FBXO11: variants seen among roughly 807,000 people sequenced by gnomAD.
FBXO11 encodes the protein F-box only protein 11.
A neutral mutation model predicts 117.0 loss-of-function variants in FBXO11; 13 were observed. The ratio of observed to expected loss-of-function variants is 0.11; its 90% confidence interval spans 0.07 to 0.18. FBXO11 has a LOEUF of 0.18. Ranked by LOEUF, FBXO11 falls within the 10% of genes least tolerant of loss-of-function variation. The pLI, the probability that FBXO11 is intolerant of heterozygous loss-of-function variation, is 1.00. For missense variants in FBXO11, 767 were observed against 1,164.4 expected (o/e 0.66, Z 4.97); for synonymous variants, 490 against 380.5 (o/e 1.29, Z -3.35).
At chr2:47,890,736 A>T (rs116797362) in intron 1 of FBXO11, among the ~76,000 whole-genome samples, 8,353 of 152,140 alleles carry the variant, frequency 0.055, 245 homozygotes, top group Non-Finnish European at 0.069. Context: ...CTCGGGAGGC[A>T]GAGGTTGCAG....
chr2:47,818,196 A>T (rs890177985), intron 16 of FBXO11, among the ~76,000 whole-genome samples: 1 of 152,244 alleles, frequency 6.6e-6, no homozygotes, highest in African/African-American at 2.4e-5. Context: ...AGAGACAGGA[A>T]GTGAGCACAT....
At chr2:47,904,566 ACGCG>A (rs1255813395) in intron 1 of FBXO11, among the ~76,000 whole-genome samples, 11 of 144,846 alleles carry the variant, frequency 7.6e-5, no homozygotes, top group African/African-American at 1.8e-4. Context: ...CAACACACAC[ACGCG>A]CGCGCGCGCA....
intron 11 of FBXO11, among the ~76,000 whole-genome samples, chr2:47,830,206 G>C (rs964313134): frequency 2.6e-5 from 4 of 151,882 alleles, no homozygotes; most frequent in Admixed American, 2.6e-4. Context: ...AAGCAAAGAA[G>C]AAAGAAAAAA....
At chr2:47,829,205 T>C (rs1486993704) in intron 11 of FBXO11, among the ~76,000 whole-genome samples, 1 of 151,816 alleles carries the variant, frequency 6.6e-6, no homozygotes, top group Non-Finnish European at 1.5e-5. Context: ...TCAAAAAATT[T>C]TATAGTTATT....
chr2:47,810,078 C>T (rs964018505), intron 19 of FBXO11: 7 of 497,558 alleles, frequency 1.4e-5, no homozygotes, highest in Non-Finnish European at 2.5e-5. Flanking sequence ...TTATTCTATC[C>T]CAATAAATGT....
In FBXO11 at chr2:47,835,857, A is replaced by G. The variant is rs1192850228; in HGVS notation, c.717+15T>C. On this transcript the variant is annotated intron_variant, in intron 5 of 22. Transcript: ENST00000403359. ...TGTATAATATAAACCAATATATTCT[A>G]TTTATATTTCATACCAACTGCTGGA... The G allele has an allele frequency of 1.3e-6, 2 of 1,572,836 alleles. No homozygotes were observed. Among genetic ancestry groups the G allele is most frequent in the South Asian group, 2.3e-5 (2 of 87,436 alleles).
At chr2:47,813,117 G>A (rs1371278491) in intron 18 of FBXO11, 117 bp downstream of exon 18, 2 of 1,076,444 alleles carry the variant, frequency 1.9e-6, no homozygotes, top group African/African-American at 1.6e-5. Context: ...ACTTGATAAG[G>A]AAAAAGACTT....
At chr2:47,841,793 A>C (rs1249978732) in intron 1 of FBXO11, among the ~76,000 whole-genome samples, 1 of 151,570 alleles carries the variant, frequency 6.6e-6, no homozygotes, top group African/African-American at 2.4e-5. Flanking sequence ...GGCACACACC[A>C]CCATGCCTGG....
At chr2:47,836,610 C>A (rs1229948384) in intron 4 of FBXO11, among the ~76,000 whole-genome samples, 5 of 151,852 alleles carry the variant, frequency 3.3e-5, no homozygotes, top group Admixed American at 3.3e-4. Flanking sequence ...GCCACCATGC[C>A]TGGCCGAAAA....
chr2:47,839,617 G>T, intron 2 of FBXO11, 25 bp downstream of exon 2: 1 of 1,605,538 alleles, frequency 6.2e-7, no homozygotes. Flanking sequence ...ATTACAAAAA[G>T]AAAAGCAACT....
chr2:47,893,166 T>TTAAATAAATAAA (rs369987358), intron 1 of FBXO11, among the ~76,000 whole-genome samples: 2,942 of 141,544 alleles, frequency 0.021, 78 homozygotes, highest in African/African-American at 0.068. Context: ...AAAAAATAAA[T>TTAAATAAATAAA]TAAATAAATA....
At chr2:47,826,085 G>C (rs186257051) in intron 11 of FBXO11, among the ~76,000 whole-genome samples, 1 of 152,112 alleles carries the variant, frequency 6.6e-6, no homozygotes, top group Admixed American at 6.5e-5. Flanking sequence ...TTGAGACGGA[G>C]TCTCACTTTG....
chr2:47,894,077 G>T (rs1193540133), intron 1 of FBXO11, among the ~76,000 whole-genome samples: 3 of 152,174 alleles, frequency 2.0e-5, no homozygotes, highest in Admixed American at 6.5e-5. Context: ...GATGAACAGA[G>T]CCCTGTCATT....
At chr2:47,808,866 T>C in intron 21 of FBXO11, 2 of 285,658 alleles carry the variant, frequency 7.0e-6, no homozygotes, top group Non-Finnish European at 1.3e-5. Flanking sequence ...GTTATGGTCT[T>C]TGTTTTGTTT....
chr2:47,814,335 TA>T, intron 16 of FBXO11: 1 of 150,386 alleles, frequency 6.6e-6, no homozygotes, highest in Non-Finnish European at 1.5e-5. Context: ...ACTTTATCGC[TA>T]AAAAAATGCT....
rs766486490 is a variant in FBXO11 at position 47,838,990 on chromosome 2, T to C, written c.456A>G (p.Glu152=). Residue 152 remains glutamate, a synonymous_variant, in exon 4 of 23, where the codon GAA becomes GAG. Transcript: ENST00000403359. ...CTGGCAGTTTCTCCTGAAGATACTG[T>C]TCAGCAGGTGCTGCTATAAAGAGAT... is the stretch of plus-strand genomic sequence containing the variant. ...KSQDLSAAPA[E]QYLQEKLPDE... is the part of the protein sequence containing the mutation. 6.2e-7 allele frequency: 1 copy of C among 1,613,600 alleles called. No individual in the cohort carries two copies. Among genetic ancestry groups the C allele is most frequent in the East Asian group, 2.2e-5 (1 of 44,850 alleles).
chr2:47,807,339 G>A lies in FBXO11; in HGVS notation c.*779C>T, dbSNP rs924302124. 4.7e-6 allele frequency: 1 copy of A among 212,436 alleles called. No homozygotes were observed. Among genetic ancestry groups the A allele is most frequent in the Admixed American group, 5.8e-5 (1 of 17,278 alleles). The allele number at this position is 212,436 out of a possible 1,614,324, so 13.2% of individuals were successfully genotyped here. ...AAAACTGAGTTACAAGAATACTTTT[G>A]TTTTACAGTGCATCCCTTCCTAGGA... On this transcript the variant is annotated 3_prime_UTR_variant, in exon 23 of 23. Transcript: ENST00000403359.
intron 1 of FBXO11, among the ~76,000 whole-genome samples, chr2:47,900,410 G>A (rs1678020343): frequency 6.6e-6 from 1 of 152,106 alleles, no homozygotes; most frequent in Middle Eastern, 3.4e-3. Context: ...GATCCATGAA[G>A]TTAAAATATC....
intron 1 of FBXO11, among the ~76,000 whole-genome samples, chr2:47,900,529 G>C (rs1040837039): frequency 5.1e-5 from 7 of 137,402 alleles, no homozygotes; most frequent in Non-Finnish European, 6.6e-5. Context: ...TTCCTCATCA[G>C]TACAGTGTCG....
Sources: allele counts gnomAD v4.1 joint callset (sites outside exome capture counted in the v4.1 genomes callset), GRCh38; gene constraint gnomAD v4.1.1; transcripts MANE v1.5; gene names NCBI Gene and HGNC (gene_info 2026-07-23, HGNC 2026-07-21).